GRM3: variants seen among roughly 807,000 people sequenced by gnomAD.
GRM3 encodes metabotropic glutamate receptor 3.
GRM3 carries 26 observed loss-of-function variants against 70.5 expected under a neutral mutation model. The observed-to-expected ratio is 0.37, with a 90% CI of 0.27 to 0.51. The LOEUF (loss-of-function observed/expected upper bound fraction) is 0.51, where lower values mean the gene tolerates loss of function less well. Among genes scored for constraint, GRM3 ranks in the 20% least tolerant of loss-of-function variants. The pLI is 0.93. For missense variants in GRM3, 859 were observed against 1,123.8 expected, an observed-to-expected ratio of 0.76 and a Z score of 3.37; for synonymous variants, 443 against 434.9, an observed-to-expected ratio of 1.02 and a Z score of -0.23.
Position 86,812,178 on chromosome 7 carries a change from GT to G in GRM3, c.1324+25064del, listed in dbSNP as rs111585830. Reference sequence around the variant, plus strand: ...TATGAGAGGTAAAAGTAATGAGACTGTTAAAACTGCAAGTAGGAAAATACAT... The same window carrying G: ...TATGAGAGGTAAAAGTAATGAGACTGTAAAACTGCAAGTAGGAAAATACAT... On this transcript the variant is annotated intron_variant, in intron 3 of 5. Transcript: ENST00000361669. Among the ~76,000 whole-genome samples, 289 of 151,896 alleles carry G rather than the reference GT, an allele frequency of 1.9e-3. 2 individuals are homozygous for G. The highest frequency in any genetic ancestry group is 6.6e-3 in the African/African-American group (276 of 41,508).
At chr7:86,743,885 G>A (rs566728241) in intron 1 of GRM3, among the ~76,000 whole-genome samples, 1 of 152,202 alleles carries the variant, frequency 6.6e-6, no homozygotes, top group South Asian at 2.1e-4. Flanking sequence ...CAAGAAGAGA[G>A]CTGTGTGAGA....
intron 1 of GRM3, among the ~76,000 whole-genome samples, chr7:86,755,879 T>TA (rs1024072707): frequency 1.3e-5 from 2 of 152,094 alleles, no homozygotes; most frequent in African/African-American, 4.8e-5. Context: ...TCTCACTTTT[T>TA]AAAAAAATTT....
At chr7:86,833,149 C>A (rs184728547) in intron 3 of GRM3, 1 of 961,750 alleles carries the variant, frequency 1.0e-6, no homozygotes, top group African/African-American at 1.8e-5. Context: ...AGTTTCTTCA[C>A]GCCAAAGAAC....
chr7:86,802,956 A>G (rs1797714615), intron 3 of GRM3, among the ~76,000 whole-genome samples: 1 of 152,234 alleles, frequency 6.6e-6, no homozygotes, highest in African/African-American at 2.4e-5. Context: ...AGAGTTTTCT[A>G]TCACAAAGTT....
chr7:86,748,035 A>G (rs2373334), intron 1 of GRM3, among the ~76,000 whole-genome samples: 1 of 152,052 alleles, frequency 6.6e-6, no homozygotes, highest in Non-Finnish European at 1.5e-5. Context: ...TTAAAAGCTT[A>G]GTAGACTGAA....
At chr7:86,675,724 A>T (rs965285210) in intron 1 of GRM3, among the ~76,000 whole-genome samples, 3 of 152,098 alleles carry the variant, frequency 2.0e-5, no homozygotes, top group South Asian at 2.1e-4. Context: ...CAAAGACTTA[A>T]ATCCAAAATA....
chr7:86,862,855 G>T (rs1035971494), intron 5 of GRM3, among the ~76,000 whole-genome samples: 5 of 152,102 alleles, frequency 3.3e-5, no homozygotes, highest in Middle Eastern at 3.2e-3. Context: ...TAGGAATTTT[G>T]CCTAGGTAAA....
chr7:86,746,367 A>G (rs931505522), intron 1 of GRM3, among the ~76,000 whole-genome samples: 21 of 142,190 alleles, frequency 1.5e-4, no homozygotes, highest in Admixed American at 1.5e-3. Context: ...ATATATATAT[A>G]TATATATAAT....
chr7:86,843,145 G>A (rs992408306), intron 4 of GRM3, among the ~76,000 whole-genome samples: 1 of 152,074 alleles, frequency 6.6e-6, no homozygotes, highest in Admixed American at 6.6e-5. Context: ...AGGCAAGAGG[G>A]AAACAAACCT....
At chr7:86,687,399 G>A (rs1794592645) in intron 1 of GRM3, among the ~76,000 whole-genome samples, 1 of 151,778 alleles carries the variant, frequency 6.6e-6, no homozygotes, top group Admixed American at 6.6e-5. Flanking sequence ...TTCAGTTTAA[G>A]AAAAACTAAT....
chr7:86,795,040 T>C (rs1261424138), intron 3 of GRM3, among the ~76,000 whole-genome samples: 1 of 151,802 alleles, frequency 6.6e-6, no homozygotes, highest in Non-Finnish European at 1.5e-5. Context: ...ATTAACCTAC[T>C]ACTTGTCCAT....
At chr7:86,800,516 T>C (rs182087542) in intron 3 of GRM3, among the ~76,000 whole-genome samples, 64 of 152,240 alleles carry the variant, frequency 4.2e-4, no homozygotes, top group South Asian at 8.3e-4. Flanking sequence ...ATCACCTCTA[T>C]GCAAATAAAC....
chr7:86,690,525 A>G (rs1444517655), intron 1 of GRM3, among the ~76,000 whole-genome samples: 1 of 152,156 alleles, frequency 6.6e-6, no homozygotes, highest in Non-Finnish European at 1.5e-5. Flanking sequence ...AGCCTTCACC[A>G]TGAAATTAAA....
At chr7:86,688,469 A>G (rs1198421902) in intron 1 of GRM3, among the ~76,000 whole-genome samples, 1 of 151,714 alleles carries the variant, frequency 6.6e-6, no homozygotes, top group Non-Finnish European at 1.5e-5. Context: ...TCAATACCTA[A>G]TTAGCACAAA....
At chr7:86,726,501 A>G (rs538665949) in intron 1 of GRM3, among the ~76,000 whole-genome samples, 1 of 152,252 alleles carries the variant, frequency 6.6e-6, no homozygotes, top group South Asian at 2.1e-4. Flanking sequence ...ATTCAGTTCA[A>G]TTCTTTGTGT....
At chr7:86,831,474 G>C (rs530855439) in intron 3 of GRM3, among the ~76,000 whole-genome samples, 3 of 152,066 alleles carry the variant, frequency 2.0e-5, no homozygotes, top group South Asian at 2.1e-4. Context: ...CATTAAAGAA[G>C]GTCCCTAAGC....
At chr7:86,647,396 T>C (rs1442757570) in intron 1 of GRM3, among the ~76,000 whole-genome samples, 2 of 152,164 alleles carry the variant, frequency 1.3e-5, no homozygotes, top group Non-Finnish European at 2.9e-5. Flanking sequence ...ATTGTTTTCC[T>C]GCACTAAACA....
chr7:86,844,607 G>C (rs1260891343), intron 4 of GRM3, among the ~76,000 whole-genome samples: 4 of 152,136 alleles, frequency 2.6e-5, no homozygotes, highest in Admixed American at 2.0e-4. Flanking sequence ...ATGGCAAAAA[G>C]GCATAAATGA....
chr7:86,722,462 T>C (rs1246562199), intron 1 of GRM3, among the ~76,000 whole-genome samples: 1 of 152,052 alleles, frequency 6.6e-6, no homozygotes, highest in East Asian at 1.9e-4. Flanking sequence ...GGGATGTGGA[T>C]GAAGCTGGAA....
Sources: gnomAD v4.1 joint callset for allele counts (sites outside exome capture counted in the v4.1 genomes callset) on GRCh38, gnomAD v4.1.1 for gene constraint, MANE v1.5 for transcripts, NCBI Gene and HGNC (gene_info 2026-07-23, HGNC 2026-07-21) for gene names.